The following IL36B variants were observed in gnomAD, a reference collection of about 807,000 sequenced individuals.
IL36B encodes interleukin 36 beta, also known as interleukin-36 beta.
IL36B carries 23 observed loss-of-function variants against 19.3 expected under a neutral mutation model. That is an observed-to-expected ratio of 1.19 (90% CI 0.86 to 1.69). IL36B has a LOEUF of 1.69. Ranked by LOEUF, IL36B falls within the 40% of genes most tolerant of loss-of-function variation. IL36B has a pLI of 0.00. For synonymous variants in IL36B, 59 were observed against 59.7 expected (o/e 0.99, Z 0.05); for missense variants, 217 against 200.5 (o/e 1.08, Z -0.50).
chr2:113,023,848 C>T (rs1684906436), intron 5 of IL36B, among the ~76,000 whole-genome samples: 1 of 152,268 alleles, frequency 6.6e-6, no homozygotes, highest in South Asian at 2.1e-4. Context: ...TTGTTGATAA[C>T]CCGTGTTGTT....
chr2:113,034,318 T>C (rs1410919199), intron 1 of IL36B, among the ~76,000 whole-genome samples: 1 of 152,102 alleles, frequency 6.6e-6, no homozygotes. Context: ...AGTGGTCCAC[T>C]CCCTCGCTTC....
chr2:113,032,872 C>T (rs923572411), intron 1 of IL36B, among the ~76,000 whole-genome samples: 8 of 152,178 alleles, frequency 5.3e-5, no homozygotes, highest in African/African-American at 1.7e-4. Flanking sequence ...AGTGGAGCAA[C>T]ACAAGCATGA....
intron 2 of IL36B, 39 bp from the exon 3 acceptor site, chr2:113,031,194 TA>T (rs760664582): frequency 2.0e-5 from 29 of 1,420,446 alleles, no homozygotes; most frequent in Non-Finnish European, 2.9e-5. Flanking sequence ...CACGTGAGGT[TA>T]TCAACTTCAG....
intron 4 of IL36B, chr2:113,026,253 A>T (rs1684959103): frequency 1.2e-6 from 2 of 1,613,008 alleles, no homozygotes; most frequent in Non-Finnish European, 1.7e-6. Flanking sequence ...GAAATGTTCA[A>T]TGTTGCTGAG....
intron 1 of IL36B, among the ~76,000 whole-genome samples, chr2:113,035,863 G>A (rs934835243): frequency 6.6e-6 from 1 of 152,202 alleles, no homozygotes; most frequent in African/African-American, 2.4e-5. Context: ...TGAGATAAAA[G>A]AAGGGAAGTG....
Position 113,026,197 on chromosome 2 carries a change from AG to A in IL36B, c.296del (p.Thr99IlefsTer5), listed in dbSNP as rs777071452. The stretch of plus-strand genomic sequence containing the variant: ...TGTGAATTCCAACTAGTTTCCAGCA[AG>A]TGTCCTTCCCTATGTTATCTTGGGA... On this transcript the variant is annotated frameshift_variant, in exon 5 of 6. Coordinates refer to ENST00000259213, the MANE Select transcript of IL36B (RefSeq NM_014438.5). LOFTEE classifies it high-confidence loss of function. 1.9e-6 allele frequency: 3 copies of A among 1,613,924 alleles called. No homozygotes were observed. In the Admixed American group the frequency reaches 5.0e-5, roughly 27 times the overall value.
chr2:113,048,076 A>T (rs1420582416), intron 1 of IL36B, among the ~76,000 whole-genome samples: 2 of 152,210 alleles, frequency 1.3e-5, no homozygotes, highest in African/African-American at 4.8e-5. Flanking sequence ...CAGATTGGAT[A>T]AAAATGCAAG....
chr2:113,031,432 A>T (rs372435199), intron 2 of IL36B, among the ~76,000 whole-genome samples: 116 of 151,990 alleles, frequency 7.6e-4, no homozygotes, highest in African/African-American at 2.7e-3. Flanking sequence ...TCTAGGTGGT[A>T]AAAAAAACCC....
chr2:113,026,273 T>C lies in IL36B; in HGVS notation c.262-41A>G, dbSNP rs375148549. The C allele has an allele frequency of 3.7e-6, 6 of 1,611,146 alleles. No homozygotes were observed. The African/African-American group carries it at 8.0e-5, about 22-fold the overall frequency. ...GTTCAATGTTGCTGAGATAATACAC[T>C]GCCAGGTTACACTGTCTCAAAGTTG... On this transcript the variant is annotated intron_variant, in intron 4 of 5. Coordinates refer to ENST00000259213, the MANE Select transcript of IL36B (RefSeq NM_014438.5).
intron 4 of IL36B, among the ~76,000 whole-genome samples, chr2:113,027,060 A>G (rs958162228): frequency 6.6e-6 from 1 of 152,240 alleles, no homozygotes; most frequent in African/African-American, 2.4e-5. Flanking sequence ...TGTATGTTAT[A>G]TGTATTATAT....
intron 1 of IL36B, among the ~76,000 whole-genome samples, chr2:113,035,367 C>T (rs1358218362): frequency 6.6e-6 from 1 of 152,028 alleles, no homozygotes; most frequent in Non-Finnish European, 1.5e-5. Context: ...TGTGGGAACC[C>T]CTCCCTCTGC....
rs35396806 is a variant in IL36B, at chr2:113,052,188, G to A, written c.-58+629C>T. On this transcript the variant is annotated intron_variant, in intron 1 of 5. Transcript: ENST00000259213. ...TGGTCTTGAACTCCTGGCCTCAAGT[G>A]TTCTGCCCGCCTCTACCTCCCAAGG... Among the ~76,000 whole-genome samples, 284 of 152,072 alleles carry A rather than the reference G, an allele frequency of 1.9e-3. 1 individual carries two copies. Among genetic ancestry groups the A allele is most frequent in the African/African-American group, 6.5e-3 (270 of 41,470 alleles).
intron 3 of IL36B, 22 bp from the exon 4 acceptor site, chr2:113,029,100 GAGA>G (rs1198645191): frequency 1.2e-6 from 2 of 1,607,336 alleles, no homozygotes; most frequent in Non-Finnish European, 1.7e-6. Flanking sequence ...AAGGAAAATG[GAGA>G]AGATGTTTCA....
intron 3 of IL36B, among the ~76,000 whole-genome samples, chr2:113,030,348 A>G (rs904660765): frequency 1.3e-5 from 2 of 152,162 alleles, no homozygotes; most frequent in Non-Finnish European, 2.9e-5. Flanking sequence ...TGAGTATTTG[A>G]AGGTCATGGG....
At chr2:113,041,711 G>A (rs1685260745) in intron 1 of IL36B, among the ~76,000 whole-genome samples, 1 of 152,162 alleles carries the variant, frequency 6.6e-6, no homozygotes, top group Non-Finnish European at 1.5e-5. Flanking sequence ...CATATATAAA[G>A]AACTGGTATA....
intron 1 of IL36B, among the ~76,000 whole-genome samples, chr2:113,050,698 T>C (rs534218008): frequency 7.2e-5 from 11 of 152,282 alleles, no homozygotes; most frequent in Admixed American, 7.2e-4. Flanking sequence ...ATAAATAAGT[T>C]ATCAAAAACA....
chr2:113,027,992 T>G, intron 4 of IL36B: 1 of 1,614,084 alleles, frequency 6.2e-7, no homozygotes, highest in Non-Finnish European at 8.5e-7. Context: ...GTGGTGGAGG[T>G]GGCTATGAAC....
Position 113,052,077 on chromosome 2 carries a change from G to A in IL36B, c.-58+740C>T, listed in dbSNP as rs139332311. Among the ~76,000 whole-genome samples the A allele has an allele frequency of 1.1e-3, 173 of 152,002 alleles. 1 individual carries two copies. Among genetic ancestry groups the A allele is most frequent in the African/African-American group, 4.0e-3 (164 of 41,446 alleles). The stretch of plus-strand genomic sequence containing the variant: ...TGATTCTCGTGCCTCAGCCTCCCAA[G>A]TAGCTGGGATTACAGGTGTGCACCA... On this transcript the variant is annotated intron_variant, in intron 1 of 5. Transcript: ENST00000259213.
chr2:113,027,893 T>C (rs1684993722), intron 4 of IL36B: 1 of 1,613,746 alleles, frequency 6.2e-7, no homozygotes, highest in Non-Finnish European at 8.5e-7. Flanking sequence ...ACCCACAGCC[T>C]AGGCTGGATT....
Sources: gnomAD v4.1 joint callset for allele counts (sites outside exome capture counted in the v4.1 genomes callset) on GRCh38, gnomAD v4.1.1 for gene constraint, MANE v1.5 for transcripts, NCBI Gene and HGNC (gene_info 2026-07-23, HGNC 2026-07-21) for gene names.